Variants in TRHDE observed in about 807,000 individuals in gnomAD.
TRHDE encodes the protein thyrotropin releasing hormone degrading enzyme.
A neutral mutation model predicts 125.7 loss-of-function variants in TRHDE; 72 were observed. The ratio of observed to expected loss-of-function variants is 0.57; its 90% confidence interval spans 0.47 to 0.70. The LOEUF (loss-of-function observed/expected upper bound fraction) is 0.70. TRHDE is among the 30% of genes least tolerant of loss of function. The probability of loss-of-function intolerance (pLI) is 0.00; values close to 1 mark genes in which losing one functional copy is unlikely to be tolerated. For missense variants in TRHDE, 1,110 were observed against 1,327.1 expected (o/e 0.84, Z 2.54); for synonymous variants, 509 against 509.1 (o/e 1.00, Z 0.00).
chr12:72,103,407 A>T (rs540137644), intron 1 of TRHDE, among the ~76,000 whole-genome samples: 2 of 152,200 alleles, frequency 1.3e-5, no homozygotes, highest in African/African-American at 4.8e-5. Context: ...GGCCCTAACC[A>T]GGTCACAGGG....
chr12:72,385,569 C>G (rs1254607359), intron 3 of TRHDE, among the ~76,000 whole-genome samples: 8 of 151,986 alleles, frequency 5.3e-5, no homozygotes. Context: ...GTTTCTAACC[C>G]CCCACTCTGA....
intron 9 of TRHDE, among the ~76,000 whole-genome samples, chr12:72,566,197 A>G (rs1284887496): frequency 6.6e-6 from 1 of 152,102 alleles, no homozygotes; most frequent in African/African-American, 2.4e-5. Context: ...CAAATTTCAA[A>G]TATGCTTGGT....
At chr12:72,176,542 A>C (rs925285459) in intron 2 of TRHDE, among the ~76,000 whole-genome samples, 2 of 152,194 alleles carry the variant, frequency 1.3e-5, no homozygotes, top group Non-Finnish European at 2.9e-5. Flanking sequence ...TGCATGAGTA[A>C]ATACATGCTA....
intron 5 of TRHDE, among the ~76,000 whole-genome samples, chr12:72,478,003 G>T (rs977854801): frequency 5.3e-5 from 8 of 152,088 alleles, no homozygotes; most frequent in African/African-American, 1.9e-4. Flanking sequence ...AACATTATAA[G>T]TTATACTTTG....
At chr12:72,384,316 G>A (rs1330288766) in intron 3 of TRHDE, among the ~76,000 whole-genome samples, 1 of 152,104 alleles carries the variant, frequency 6.6e-6, no homozygotes, top group African/African-American at 2.4e-5. Context: ...TATGATTGTA[G>A]AGGGAGCCCA....
chr12:72,101,854 T>C (rs1379683832), intron 1 of TRHDE, among the ~76,000 whole-genome samples: 1 of 152,234 alleles, frequency 6.6e-6, no homozygotes, highest in East Asian at 1.9e-4. Context: ...GTGGGTACCC[T>C]GGAAAATAGT....
intron 2 of TRHDE, among the ~76,000 whole-genome samples, chr12:72,176,536 T>C (rs1876992259): frequency 6.6e-6 from 1 of 152,200 alleles, no homozygotes; most frequent in Non-Finnish European, 1.5e-5. Context: ...GGTATTTGCA[T>C]GAGTAAATAC....
intron 3 of TRHDE, among the ~76,000 whole-genome samples, chr12:72,450,480 G>T (rs988269290): frequency 1.3e-5 from 2 of 151,922 alleles, no homozygotes; most frequent in Non-Finnish European, 2.9e-5. Flanking sequence ...TGCATACATC[G>T]TGGAATGGCT....
At position 72,562,864 on chromosome 12, in the gene TRHDE, A is replaced by G; in HGVS notation, c.1866A>G (p.Arg622=). 1 of 1,568,940 alleles carries G rather than the reference A, an allele frequency of 6.4e-7. No homozygotes were observed. The highest frequency in any genetic ancestry group is 8.6e-7 in the Non-Finnish European group (1 of 1,163,032). The change falls in exon 9 of 19, where the codon AGA becomes AGG. Residue 622 remains arginine (R), a synonymous_variant. Coordinates refer to ENST00000261180, the MANE Select transcript of TRHDE (RefSeq NM_013381.3). ...TTTTCCTTGTGAAGGCTTTAAAAAG[A>G]AATGGGAAATATGTAAATATACAAG... The part of the protein sequence containing the change: ...LWNTLSEALK[R]NGKYVNIQEV...
chr12:72,621,458 C>T (rs1686992586), intron 14 of TRHDE, 186 bp from the exon 15 acceptor site: 1 of 591,586 alleles, frequency 1.7e-6, no homozygotes, highest in Non-Finnish European at 2.9e-6. Context: ...ACCCATGCCT[C>T]TCACTGGAGT....
intron 2 of TRHDE, among the ~76,000 whole-genome samples, chr12:72,291,341 G>T (rs550005409): frequency 2.6e-5 from 4 of 152,152 alleles, no homozygotes; most frequent in Non-Finnish European, 5.9e-5. Context: ...TCACTAGCCC[G>T]CAGCAATTCT....
intron 7 of TRHDE, among the ~76,000 whole-genome samples, chr12:72,561,812 A>G (rs1025940040): frequency 6.6e-6 from 1 of 152,108 alleles, no homozygotes; most frequent in African/African-American, 2.4e-5. Context: ...ACTTTAACGC[A>G]AAAGCCTGAT....
At chr12:72,618,695 G>A (rs1010492951) in intron 12 of TRHDE, among the ~76,000 whole-genome samples, 196 bp from the exon 13 acceptor site, 4 of 152,004 alleles carry the variant, frequency 2.6e-5, no homozygotes, top group Non-Finnish European at 4.4e-5. Context: ...ATTTTTAACT[G>A]TCCAACTCTG....
At chr12:72,539,230 T>C (rs555607495) in intron 6 of TRHDE, among the ~76,000 whole-genome samples, 33 of 151,932 alleles carry the variant, frequency 2.2e-4, no homozygotes, top group Non-Finnish European at 4.1e-4. Flanking sequence ...TATTTTGCTT[T>C]GCATCTCATC....
chr12:72,612,885 G>T (rs1872685721), intron 12 of TRHDE, among the ~76,000 whole-genome samples: 1 of 152,076 alleles, frequency 6.6e-6, no homozygotes, highest in Non-Finnish European at 1.5e-5. Flanking sequence ...GTACCCAGTG[G>T]ACTCTATTTT....
intron 2 of TRHDE, among the ~76,000 whole-genome samples, chr12:72,358,000 A>C (rs898582599): frequency 7.3e-5 from 11 of 151,680 alleles, no homozygotes; most frequent in Non-Finnish European, 1.3e-4. Context: ...ATCAAATGGA[A>C]AGTTGTGAAA....
At chr12:72,314,950 A>T (rs1429127214) in intron 2 of TRHDE, among the ~76,000 whole-genome samples, 1 of 152,206 alleles carries the variant, frequency 6.6e-6, no homozygotes, top group East Asian at 1.9e-4. Flanking sequence ...CTGAACCACA[A>T]ATACCTTTTA....
chr12:72,248,844 TTCTAAAAA>T (rs1878626890), intron 2 of TRHDE, among the ~76,000 whole-genome samples: 1 of 152,230 alleles, frequency 6.6e-6, no homozygotes, highest in South Asian at 2.1e-4. Flanking sequence ...CTAGGCAGTT[TTCTAAAAA>T]TCTAAACAGT....
At chr12:72,179,185 T>C (rs907171107) in intron 2 of TRHDE, among the ~76,000 whole-genome samples, 4 of 152,126 alleles carry the variant, frequency 2.6e-5, no homozygotes, top group Admixed American at 2.6e-4. Flanking sequence ...TTGCAGGATA[T>C]ATCGTGAGTA....
Sources: allele counts gnomAD v4.1 joint callset (sites outside exome capture counted in the v4.1 genomes callset), GRCh38; gene constraint gnomAD v4.1.1; transcripts MANE v1.5; gene names NCBI Gene and HGNC (gene_info 2026-07-23, HGNC 2026-07-21).